The following JHY variants were observed in gnomAD, a reference collection of about 807,000 sequenced individuals.
The protein encoded by JHY is jhy protein homolog.
A neutral mutation model predicts 78.0 loss-of-function variants in JHY; 69 were observed. The observed-to-expected ratio is 0.88, with a 90% CI of 0.73 to 1.08. The LOEUF is 1.08. JHY is among the 50% of genes least tolerant of loss of function. The pLI is 0.00. For missense variants in JHY, 944 were observed against 927.8 expected, an observed-to-expected ratio of 1.02 and a Z score of -0.23; for synonymous variants, 368 against 342.6, an observed-to-expected ratio of 1.07 and a Z score of -0.82.
chr11:122,899,080 C>T (rs1862792605), intron 2 of JHY, among the ~76,000 whole-genome samples: 1 of 152,202 alleles, frequency 6.6e-6, no homozygotes, highest in Non-Finnish European at 1.5e-5. Context: ...CTCTGTGTCC[C>T]TATGGCCCGG....
At chr11:122,928,552 G>A (rs1167158118) in intron 4 of JHY, among the ~76,000 whole-genome samples, 1 of 117,428 alleles carries the variant, frequency 8.5e-6, no homozygotes, top group Admixed American at 8.0e-5. Context: ...AAAGATACGG[G>A]GAAAAAAAAA....
chr11:122,955,532 G>T (rs1864172284), intron 6 of JHY, among the ~76,000 whole-genome samples: 1 of 152,080 alleles, frequency 6.6e-6, no homozygotes, highest in Non-Finnish European at 1.5e-5. Context: ...TTGTGCTCAG[G>T]TGCCATAATC....
rs1049308387 is a variant in JHY, at chr11:122,901,422, G to T, written c.345-2503G>T. Among the ~76,000 whole-genome samples, 3 of 151,026 alleles carry T rather than the reference G, an allele frequency of 2.0e-5. No homozygotes were observed. The East Asian group carries it at 5.8e-4, about 29-fold the overall frequency. ...AAAAATATTTCTTCATTAATAAATT[G>T]ACCTTAGCTACTGTAACTTTTTTAT... On this transcript the variant is annotated intron_variant, in intron 2 of 8. Transcript: ENST00000227349.
chr11:122,905,025 T>G (rs1046575829), intron 3 of JHY: 14 of 702,772 alleles, frequency 2.0e-5, no homozygotes, highest in Non-Finnish European at 3.3e-5. Context: ...GGTGGGTTTT[T>G]TTTTTCAATC....
At position 122,959,478 on chromosome 11, in the gene JHY, T is replaced by A. The variant is rs1864264028; in HGVS notation, c.*33T>A. On this transcript the variant is annotated 3_prime_UTR_variant, in exon 9 of 9. Transcript: ENST00000227349. ...TTGATAGGAAGGAGACCAAAAATGG[T>A]CCAGGAATGAACGTGGAGAAAAGAA... is the stretch of plus-strand genomic sequence containing the variant. 6.3e-7 allele frequency: 1 copy of A among 1,598,210 alleles called. No individual in the cohort carries two copies. Among genetic ancestry groups the A allele is most frequent in the African/African-American group, 1.3e-5 (1 of 74,300 alleles).
intron 2 of JHY, among the ~76,000 whole-genome samples, chr11:122,903,053 A>G (rs1031253148): frequency 4.3e-4 from 65 of 152,248 alleles, no homozygotes; most frequent in African/African-American, 1.5e-3. Flanking sequence ...CCACAAACAT[A>G]TGAGCAACAC....
At chr11:122,952,901 C>T (rs991290646) in intron 6 of JHY, among the ~76,000 whole-genome samples, 3 of 152,186 alleles carry the variant, frequency 2.0e-5, no homozygotes, top group East Asian at 1.9e-4. Flanking sequence ...AGATGGCATA[C>T]GTGAGAGAAA....
At position 122,934,781 on chromosome 11, in the gene JHY, A is replaced by G. The variant is rs186806596; in HGVS notation, c.1340A>G (p.Gln447Arg). The change falls in exon 5 of 9, where the codon CAG (glutamine) becomes CGG (arginine). Residue 447 changes from glutamine to arginine, a missense_variant. Gln to Arg is a conservative substitution (Grantham distance 43). Transcript: ENST00000227349. ...ETSNTFAPPKQAFDKVLSKNS... is the reference protein window; with the variant it reads ...ETSNTFAPPKRAFDKVLSKNS... ...TCCAATACATTTGCTCCACCAAAACAGGCTTTTGACAAGGTCTTATCTAAA... is the reference window on the plus strand; with the variant it reads ...TCCAATACATTTGCTCCACCAAAACGGGCTTTTGACAAGGTCTTATCTAAA... The G allele has an allele frequency of 1.2e-6, 2 of 1,614,222 alleles. No individual in the cohort carries two copies. Among genetic ancestry groups the G allele is most frequent in the African/African-American group, 2.7e-5 (2 of 75,060 alleles).
intron 5 of JHY, among the ~76,000 whole-genome samples, chr11:122,936,254 G>A (rs1048742833): frequency 6.6e-6 from 1 of 152,154 alleles, no homozygotes; most frequent in Admixed American, 6.5e-5. Flanking sequence ...AAGAAGTATG[G>A]TGTGTGAGGC....
At chr11:122,897,021 T>C (rs1419900554) in intron 2 of JHY, among the ~76,000 whole-genome samples, 1 of 151,696 alleles carries the variant, frequency 6.6e-6, no homozygotes, top group Non-Finnish European at 1.5e-5. Flanking sequence ...CATGCCCGGC[T>C]AATTTTTGTA....
At chr11:122,938,719 T>A (rs1863808709) in intron 5 of JHY, among the ~76,000 whole-genome samples, 1 of 152,104 alleles carries the variant, frequency 6.6e-6, no homozygotes, top group South Asian at 2.1e-4. Context: ...ACTAGAAAGC[T>A]TATTGGAAGC....
chr11:122,908,450 T>G (rs1863040081), intron 3 of JHY, among the ~76,000 whole-genome samples: 1 of 152,134 alleles, frequency 6.6e-6, no homozygotes, highest in African/African-American at 2.4e-5. Flanking sequence ...AGGTCTGGGG[T>G]GAGATGCAGA....
intron 3 of JHY, among the ~76,000 whole-genome samples, chr11:122,913,661 A>G (rs1001951355): frequency 2.0e-5 from 3 of 152,092 alleles, no homozygotes. Context: ...TTTGAGATTC[A>G]GCTCATATGT....
chr11:122,892,880 C>G (rs1862655098), intron 2 of JHY, among the ~76,000 whole-genome samples: 1 of 152,180 alleles, frequency 6.6e-6, no homozygotes, highest in Non-Finnish European at 1.5e-5. Context: ...GACTAGACTA[C>G]TGTGTCTCCA....
intron 3 of JHY, among the ~76,000 whole-genome samples, chr11:122,906,881 T>TC (rs1863005384): frequency 1.3e-5 from 2 of 152,228 alleles, no homozygotes; most frequent in African/African-American, 4.8e-5. Context: ...CACCACTTTC[T>TC]CCAAGTTCAA....
chr11:122,912,355 G>T (rs978738579), intron 3 of JHY, among the ~76,000 whole-genome samples: 1 of 151,784 alleles, frequency 6.6e-6, no homozygotes, highest in Non-Finnish European at 1.5e-5. Flanking sequence ...CTCTGAGGAC[G>T]TATCATTCAA....
intron 6 of JHY, 197 bp downstream of exon 6, chr11:122,946,989 T>C (rs1863979210): frequency 3.6e-6 from 2 of 558,024 alleles, no homozygotes; most frequent in Non-Finnish European, 5.9e-6. Context: ...ATAGAAGTTG[T>C]TGCTGCCAGG....
chr11:122,885,733 A>G, intron 1 of JHY, 28 bp from the exon 2 acceptor site: 1 of 733,176 alleles, frequency 1.4e-6, no homozygotes, highest in East Asian at 2.7e-5. Context: ...TAGTGGTCGC[A>G]GAGTAACATA....
At chr11:122,904,743 A>C (rs1270860214) in intron 3 of JHY, among the ~76,000 whole-genome samples, 2 of 152,206 alleles carry the variant, frequency 1.3e-5, no homozygotes, top group Non-Finnish European at 2.9e-5. Context: ...GTCCATTGTT[A>C]TGTCAGTTAT....
Sources: gnomAD v4.1 joint callset for allele counts (sites outside exome capture counted in the v4.1 genomes callset) on GRCh38, gnomAD v4.1.1 for gene constraint, MANE v1.5 for transcripts, NCBI Gene and HGNC (gene_info 2026-07-23, HGNC 2026-07-21) for gene names.